The following TNS3 variants were observed in gnomAD, a reference collection of about 807,000 sequenced individuals.
TNS3 encodes the protein tensin 3.
In TNS3, 45 loss-of-function variants were observed where a neutral mutation model predicts 140.9. That is an observed-to-expected ratio of 0.32 (90% CI 0.25 to 0.41). The LOEUF (loss-of-function observed/expected upper bound fraction) is 0.41, where lower values mean the gene tolerates loss of function less well. Ranked by LOEUF, TNS3 falls within the 10% of genes least tolerant of loss-of-function variation. The pLI is 1.00. For synonymous variants in TNS3, 815 were observed against 788.4 expected, an observed-to-expected ratio of 1.03 and a Z score of -0.56; for missense variants, 1,716 against 1,906.7, an observed-to-expected ratio of 0.90 and a Z score of 1.86.
At chr7:47,450,090 G>C (rs182091433) in intron 4 of TNS3, among the ~76,000 whole-genome samples, 1 of 152,240 alleles carries the variant, frequency 6.6e-6, no homozygotes, top group African/African-American at 2.4e-5. Flanking sequence ...GCAGTCTGTA[G>C]AATGAAGAAA....
At chr7:47,408,030 G>A (rs1793542463) in intron 13 of TNS3, among the ~76,000 whole-genome samples, 1 of 152,168 alleles carries the variant, frequency 6.6e-6, no homozygotes, top group Admixed American at 6.5e-5. Flanking sequence ...AGAGGCGGCT[G>A]GCGGGTTCCA....
intron 17 of TNS3, among the ~76,000 whole-genome samples, chr7:47,349,754 G>A (rs1219427203): frequency 2.0e-5 from 3 of 152,198 alleles, no homozygotes; most frequent in Non-Finnish European, 4.4e-5. Flanking sequence ...AAATGAGACA[G>A]GGTTTAAGAT....
At chr7:47,365,564 C>T (rs146544541) in intron 17 of TNS3, among the ~76,000 whole-genome samples, 1,616 of 152,096 alleles carry the variant, frequency 0.011, 28 homozygotes, top group African/African-American at 0.037. Context: ...GAGATCGAGA[C>T]CTTCTTGGCT....
chr7:47,304,417 C>T (rs554881802), intron 21 of TNS3, among the ~76,000 whole-genome samples: 1 of 152,162 alleles, frequency 6.6e-6, no homozygotes, highest in African/African-American at 2.4e-5. Flanking sequence ...CGTGTTCATA[C>T]AACAAAGCAT....
chr7:47,438,636 G>T (rs933111038), intron 6 of TNS3, among the ~76,000 whole-genome samples: 1 of 152,180 alleles, frequency 6.6e-6, no homozygotes, highest in South Asian at 2.1e-4. Context: ...GAGGGGTCAG[G>T]ACCCAGGTAG....
intron 16 of TNS3, among the ~76,000 whole-genome samples, chr7:47,383,784 T>G (rs1665013529): frequency 6.6e-6 from 1 of 152,136 alleles, no homozygotes; most frequent in East Asian, 1.9e-4. Flanking sequence ...CTCTCTTCTG[T>G]GCACTGGTCA....
intron 4 of TNS3, among the ~76,000 whole-genome samples, chr7:47,454,610 G>C (rs920403424): frequency 3.0e-5 from 3 of 100,482 alleles, no homozygotes; most frequent in African/African-American, 9.2e-5. Context: ...GGGCTGCTCT[G>C]GGGGGGCAAC....
chr7:47,405,946 A>C (rs934314468), intron 13 of TNS3, among the ~76,000 whole-genome samples: 1 of 152,094 alleles, frequency 6.6e-6, no homozygotes, highest in Admixed American at 6.5e-5. Context: ...CAGGGGCAGC[A>C]AGATGAAGCA....
chr7:47,416,799 T>C (rs1207125113), intron 10 of TNS3, among the ~76,000 whole-genome samples: 2 of 152,226 alleles, frequency 1.3e-5, no homozygotes, highest in African/African-American at 4.8e-5. Flanking sequence ...TTACGCATTG[T>C]GGATTTCATG....
intron 1 of TNS3, among the ~76,000 whole-genome samples, chr7:47,574,289 A>G (rs1235624966): frequency 6.6e-6 from 1 of 152,088 alleles, no homozygotes; most frequent in South Asian, 2.1e-4. Flanking sequence ...TCATCCCATT[A>G]ATCACAGAGT....
At chr7:47,354,331 C>G (rs1030714190) in intron 17 of TNS3, among the ~76,000 whole-genome samples, 8 of 152,134 alleles carry the variant, frequency 5.3e-5, no homozygotes, top group African/African-American at 1.9e-4. Flanking sequence ...ACCTGCAGGG[C>G]TCTGGGCGAT....
Position 47,285,014 on chromosome 7 carries a change from T to C in TNS3, c.3929-1149A>G, listed in dbSNP as rs571963036. On this transcript the variant is annotated intron_variant, in intron 27 of 30. Transcript: ENST00000311160. ...GTTGGCAGGTGCACAGACAGATGTG[T>C]TGGCAGGTGGTTTGGCAGGTATGTT... is the stretch of plus-strand genomic sequence containing the variant. Among the ~76,000 whole-genome samples, 15 of 152,132 alleles carry C rather than the reference T, an allele frequency of 9.9e-5. No individual in the cohort carries two copies. The East Asian group carries it at 2.9e-3, about 29-fold the overall frequency.
intron 20 of TNS3, among the ~76,000 whole-genome samples, chr7:47,326,045 G>A (rs889677932): frequency 6.6e-6 from 1 of 152,162 alleles, no homozygotes; most frequent in African/African-American, 2.4e-5. Flanking sequence ...CATCAGTACA[G>A]GTGCCAATCT....
intron 15 of TNS3, among the ~76,000 whole-genome samples, chr7:47,398,772 A>T (rs185138140): frequency 2.1e-4 from 32 of 152,332 alleles, no homozygotes; most frequent in Non-Finnish European, 3.5e-4. Flanking sequence ...CAAGACAAGG[A>T]TGCCTACCTT....
chr7:47,511,095 C>A (rs1798591519), intron 2 of TNS3, among the ~76,000 whole-genome samples: 1 of 152,170 alleles, frequency 6.6e-6, no homozygotes, highest in Non-Finnish European at 1.5e-5. Context: ...GCAAGACAGG[C>A]CAGTGGATTT....
chr7:47,382,426 G>C (rs985879667), intron 16 of TNS3, among the ~76,000 whole-genome samples: 6 of 152,176 alleles, frequency 3.9e-5, no homozygotes, highest in African/African-American at 1.4e-4. Flanking sequence ...ATTTTCTACA[G>C]GTTCCCTGCT....
chr7:47,575,767 A>G (rs992094182), intron 1 of TNS3, among the ~76,000 whole-genome samples: 4 of 145,632 alleles, frequency 2.7e-5, no homozygotes, highest in African/African-American at 7.6e-5. Context: ...ATCTTGCAGT[A>G]AGCTGAGATT....
At chr7:47,410,157 G>T (rs568303373) in intron 13 of TNS3, among the ~76,000 whole-genome samples, 21 of 152,266 alleles carry the variant, frequency 1.4e-4, no homozygotes, top group African/African-American at 4.1e-4. Context: ...AGGATGTGAG[G>T]AACACCAGAG....
chr7:47,374,365 T>G (rs1404885573), intron 16 of TNS3, among the ~76,000 whole-genome samples: 3 of 152,174 alleles, frequency 2.0e-5, no homozygotes, highest in Non-Finnish European at 2.9e-5. Context: ...AGGCTGGCGT[T>G]TCGTTGCTCA....
Sources: gnomAD v4.1 joint callset for allele counts (sites outside exome capture counted in the v4.1 genomes callset) on GRCh38, gnomAD v4.1.1 for gene constraint, MANE v1.5 for transcripts, NCBI Gene and HGNC (gene_info 2026-07-23, HGNC 2026-07-21) for gene names.